The following BRINP3 variants were observed in gnomAD, a reference collection of about 807,000 sequenced individuals.
The protein encoded by BRINP3 is BMP/retinoic acid inducible neural specific 3.
In BRINP3, 19 loss-of-function variants were observed where a neutral mutation model predicts 71.0. That is an observed-to-expected ratio of 0.27 (90% CI 0.19 to 0.39). The LOEUF (loss-of-function observed/expected upper bound fraction) is 0.39, where lower values mean the gene tolerates loss of function less well. BRINP3 is among the 10% of genes least tolerant of loss of function. The pLI, the probability that BRINP3 is intolerant of heterozygous loss-of-function variation, is 1.00. For missense variants in BRINP3, 959 were observed against 940.8 expected (o/e 1.02, Z -0.25); for synonymous variants, 380 against 337.7 (o/e 1.13, Z -1.37).
intron 2 of BRINP3, among the ~76,000 whole-genome samples, chr1:190,363,295 T>C (rs907465065): frequency 6.6e-6 from 1 of 152,136 alleles, no homozygotes; most frequent in Non-Finnish European, 1.5e-5. Flanking sequence ...AGGAATCTAG[T>C]CAACACCTTG....
intron 6 of BRINP3, among the ~76,000 whole-genome samples, chr1:190,178,035 T>C (rs1392697068): frequency 3.3e-5 from 5 of 152,204 alleles, no homozygotes. Context: ...GTGTCAGATA[T>C]ATGCAAATAT....
intron 2 of BRINP3, among the ~76,000 whole-genome samples, chr1:190,425,213 G>C (rs1673625323): frequency 6.6e-6 from 1 of 151,570 alleles, no homozygotes; most frequent in South Asian, 2.1e-4. Flanking sequence ...TGAACTAAAA[G>C]TGTTATATAA....
chr1:190,262,872 C>T (rs1304982432), intron 4 of BRINP3, among the ~76,000 whole-genome samples: 3 of 151,818 alleles, frequency 2.0e-5, no homozygotes, highest in African/African-American at 7.3e-5. Flanking sequence ...AACAGTATGC[C>T]TCATTAAAAC....
At chr1:190,117,215 ATTAAG>A (rs1414845547) in intron 7 of BRINP3, among the ~76,000 whole-genome samples, 1 of 152,040 alleles carries the variant, frequency 6.6e-6, no homozygotes, top group Non-Finnish European at 1.5e-5. Context: ...ATCTTTCAAC[ATTAAG>A]TTAACTTTCT....
intron 2 of BRINP3, among the ~76,000 whole-genome samples, chr1:190,337,730 C>T (rs1001632763): frequency 6.6e-6 from 1 of 152,040 alleles, no homozygotes; most frequent in Non-Finnish European, 1.5e-5. Flanking sequence ...GGGATTTCAC[C>T]TTGTGATCAC....
intron 2 of BRINP3, among the ~76,000 whole-genome samples, chr1:190,381,496 G>T (rs540563614): frequency 1.3e-5 from 2 of 152,198 alleles, no homozygotes; most frequent in Admixed American, 6.6e-5. Flanking sequence ...GAAAATGTAT[G>T]CATGTATTTG....
chr1:190,334,935 A>G (rs1667193317), intron 2 of BRINP3, among the ~76,000 whole-genome samples: 1 of 151,862 alleles, frequency 6.6e-6, no homozygotes, highest in Admixed American at 6.6e-5. Context: ...GGACACAAAT[A>G]TAATCTAGAA....
At chr1:190,370,344 A>G (rs1558226041) in intron 2 of BRINP3, among the ~76,000 whole-genome samples, 1 of 152,216 alleles carries the variant, frequency 6.6e-6, no homozygotes, top group Non-Finnish European at 1.5e-5. Context: ...AAGTCTATAG[A>G]AATAAATTTG....
intron 4 of BRINP3, among the ~76,000 whole-genome samples, chr1:190,241,711 C>G (rs1328544456): frequency 6.6e-6 from 1 of 151,928 alleles, no homozygotes; most frequent in Non-Finnish European, 1.5e-5. Flanking sequence ...TTACTTCCCA[C>G]TAGGATTGTG....
intron 2 of BRINP3, among the ~76,000 whole-genome samples, chr1:190,320,263 A>G (rs1571737696): frequency 6.6e-6 from 1 of 152,086 alleles, no homozygotes; most frequent in African/African-American, 2.4e-5. Context: ...ACAGGTAAGA[A>G]AGATTAATAA....
At chr1:190,388,514 G>A (rs1208880266) in intron 2 of BRINP3, among the ~76,000 whole-genome samples, 5 of 151,790 alleles carry the variant, frequency 3.3e-5, no homozygotes, top group Admixed American at 1.3e-4. Context: ...CAGAGGAAAA[G>A]ATTGGAGTAA....
chr1:190,245,177 A>G (rs943948227), intron 4 of BRINP3, among the ~76,000 whole-genome samples: 2 of 151,982 alleles, frequency 1.3e-5, no homozygotes, highest in Non-Finnish European at 2.9e-5. Context: ...CTCAAGCATA[A>G]TTAGAAAGAC....
At chr1:190,476,250 T>TAA (rs1287674899) in intron 1 of BRINP3, among the ~76,000 whole-genome samples, 2 of 24,370 alleles carry the variant, frequency 8.2e-5, no homozygotes, top group East Asian at 4.7e-3. Flanking sequence ...TTCCCAGAAA[T>TAA]TAAAAAAAAA....
At chr1:190,371,903 T>C (rs564420210) in intron 2 of BRINP3, among the ~76,000 whole-genome samples, 43 of 152,248 alleles carry the variant, frequency 2.8e-4, no homozygotes, top group Middle Eastern at 6.8e-3. Context: ...GTACAACCAG[T>C]ACTATTACCC....
chr1:190,376,780 T>C (rs547479449), intron 2 of BRINP3, among the ~76,000 whole-genome samples: 1 of 152,192 alleles, frequency 6.6e-6, no homozygotes, highest in South Asian at 2.1e-4. Flanking sequence ...CCGATGTTAA[T>C]TGATATATGT....
chr1:190,342,818 GA>G (rs1667753510), intron 2 of BRINP3: 2 of 151,834 alleles, frequency 1.3e-5, no homozygotes, highest in South Asian at 4.2e-4. Context: ...GGAAAAAAAT[GA>G]ATAAATATAG....
At chr1:190,278,619 A>T (rs1265559400) in intron 3 of BRINP3, among the ~76,000 whole-genome samples, 2 of 151,710 alleles carry the variant, frequency 1.3e-5, no homozygotes, top group Non-Finnish European at 3.0e-5. Flanking sequence ...GCAGGAAAAT[A>T]AAGTAATATT....
intron 4 of BRINP3, among the ~76,000 whole-genome samples, chr1:190,255,357 G>A (rs1366042882): frequency 6.6e-6 from 1 of 151,866 alleles, no homozygotes; most frequent in African/African-American, 2.4e-5. Flanking sequence ...CAGAAGGAAT[G>A]GTACCAGCTC....
chr1:190,118,088 C>T (rs1653302267), intron 7 of BRINP3, among the ~76,000 whole-genome samples: 5 of 151,808 alleles, frequency 3.3e-5, no homozygotes, highest in Admixed American at 2.0e-4. Flanking sequence ...GATGCTGAAT[C>T]CACTATGTTT....
Sources: allele counts gnomAD v4.1 joint callset (sites outside exome capture counted in the v4.1 genomes callset), GRCh38; gene constraint gnomAD v4.1.1; transcripts MANE v1.5; gene names NCBI Gene and HGNC (gene_info 2026-07-23, HGNC 2026-07-21).